The following SLC4A4 variants were observed in gnomAD, a reference collection of about 807,000 sequenced individuals.
SLC4A4 encodes solute carrier family 4 member 4.
Under a neutral mutation model 111.5 loss-of-function variants are expected in SLC4A4, and 27 were observed. The observed-to-expected ratio is 0.24, with a 90% CI of 0.18 to 0.33. SLC4A4 has a LOEUF of 0.33. Ranked by LOEUF, SLC4A4 falls within the 10% of genes least tolerant of loss-of-function variation. The pLI is 1.00. For missense variants in SLC4A4, 909 were observed against 1,315.5 expected (o/e 0.69, Z 4.78); for synonymous variants, 443 against 463.4 (o/e 0.96, Z 0.57).
intron 6 of SLC4A4, among the ~76,000 whole-genome samples, chr4:71,370,421 C>A (rs534207588): frequency 4.1e-4 from 62 of 152,280 alleles, no homozygotes; most frequent in African/African-American, 1.1e-3. Context: ...CTAATAAATT[C>A]TTTTACTACT....
chr4:71,444,595 T>C (rs1725058266), intron 8 of SLC4A4, among the ~76,000 whole-genome samples: 1 of 152,168 alleles, frequency 6.6e-6, no homozygotes, highest in African/African-American at 2.4e-5. Context: ...AAAAAACAGC[T>C]TGGGTCATGA....
At chr4:71,361,316 T>G (rs1043986082) in intron 6 of SLC4A4, among the ~76,000 whole-genome samples, 2 of 152,250 alleles carry the variant, frequency 1.3e-5, no homozygotes, top group African/African-American at 4.8e-5. Flanking sequence ...ACTCTCGTCT[T>G]TTAGCATCCT....
chr4:71,419,622 G>A (rs1365311211), intron 7 of SLC4A4, among the ~76,000 whole-genome samples: 1 of 152,218 alleles, frequency 6.6e-6, no homozygotes, highest in Non-Finnish European at 1.5e-5. Flanking sequence ...ACTAGGAAAG[G>A]GAACTCGCTG....
At chr4:71,064,195 T>A (rs1741457250) in intron 1 of SLC4A4, among the ~76,000 whole-genome samples, 2 of 152,216 alleles carry the variant, frequency 1.3e-5, no homozygotes, top group Admixed American at 6.5e-5. Flanking sequence ...CAGACCTGGA[T>A]TTACTGTATC....
chr4:71,179,287 A>G (rs1437470478), intron 2 of SLC4A4, among the ~76,000 whole-genome samples: 2 of 152,194 alleles, frequency 1.3e-5, no homozygotes, highest in African/African-American at 4.8e-5. Context: ...CCCTTTGAAA[A>G]CTGGCACAAG....
At chr4:71,330,750 A>G (rs909108477) in intron 3 of SLC4A4, among the ~76,000 whole-genome samples, 1 of 152,170 alleles carries the variant, frequency 6.6e-6, no homozygotes, top group Non-Finnish European at 1.5e-5. Context: ...TAATTAAACT[A>G]AAGAGCTTCT....
At chr4:71,492,606 A>T (rs1051203765) in intron 15 of SLC4A4, among the ~76,000 whole-genome samples, 2 of 151,948 alleles carry the variant, frequency 1.3e-5, no homozygotes, top group South Asian at 4.1e-4. Flanking sequence ...TAAGTCTTTA[A>T]AACTGAATGA....
chr4:71,166,544 T>C (rs973327012), intron 2 of SLC4A4, among the ~76,000 whole-genome samples: 1 of 152,168 alleles, frequency 6.6e-6, no homozygotes, highest in Admixed American at 6.5e-5. Context: ...CCATAAGCAG[T>C]CTATTTTATT....
intron 7 of SLC4A4, chr4:71,434,295 T>C (rs889736004): frequency 1.3e-5 from 2 of 152,100 alleles, no homozygotes; most frequent in Non-Finnish European, 2.9e-5. Context: ...TTTGAAATTT[T>C]TCTCAGGTAA....
At chr4:71,464,883 C>A (rs1727170451) in intron 12 of SLC4A4, among the ~76,000 whole-genome samples, 1 of 152,124 alleles carries the variant, frequency 6.6e-6, no homozygotes, top group African/African-American at 2.4e-5. Context: ...TTGAGTGGCA[C>A]TTACTGTGTA....
intron 2 of SLC4A4, among the ~76,000 whole-genome samples, chr4:71,156,588 G>GCTCGCACACACACACACACA (rs376043069): frequency 7.2e-6 from 1 of 138,512 alleles, no homozygotes; most frequent in African/African-American, 2.7e-5. Context: ...GCGCGCGCGC[G>GCTCGCACACACACACACACA]CACACACACA....
At chr4:71,292,235 T>G (rs1724414771) in intron 3 of SLC4A4, among the ~76,000 whole-genome samples, 1 of 152,194 alleles carries the variant, frequency 6.6e-6, no homozygotes, top group African/African-American at 2.4e-5. Flanking sequence ...AATATGTGAT[T>G]TTTGATTTAT....
At chr4:71,553,093 A>G (rs921641) in intron 20 of SLC4A4, among the ~76,000 whole-genome samples, 149,775 of 151,972 alleles carry the variant, frequency 0.99, 73,836 homozygotes, top group East Asian at 1. Context: ...TTGCATTATC[A>G]TAAGGAAAAT....
intron 1 of SLC4A4, among the ~76,000 whole-genome samples, chr4:71,201,264 A>G (rs1324282869): frequency 6.6e-6 from 1 of 152,198 alleles, no homozygotes; most frequent in Non-Finnish European, 1.5e-5. Flanking sequence ...CTGGGGAGAG[A>G]GATCCTTTAG....
intron 17 of SLC4A4, 80 bp from the exon 18 acceptor site, chr4:71,534,147 T>A (rs1734189215): frequency 8.7e-7 from 1 of 1,154,930 alleles, no homozygotes; most frequent in South Asian, 1.2e-5. Flanking sequence ...TATAAAAGCA[T>A]GTCTTCCCGT....
chr4:71,558,291 T>C (rs1007271969), intron 22 of SLC4A4, among the ~76,000 whole-genome samples: 1 of 151,976 alleles, frequency 6.6e-6, no homozygotes, highest in East Asian at 1.9e-4. Context: ...AGTAAGAGTG[T>C]AGGACATTTC....
At chr4:71,102,030 T>C (rs887142277) in intron 2 of SLC4A4, among the ~76,000 whole-genome samples, 1 of 150,396 alleles carries the variant, frequency 6.6e-6, no homozygotes, top group African/African-American at 2.4e-5. Flanking sequence ...TGAAAAAAAA[T>C]TAGAAGAATG....
intron 1 of SLC4A4, among the ~76,000 whole-genome samples, chr4:71,201,958 A>G (rs1746275635): frequency 6.6e-6 from 1 of 152,206 alleles, no homozygotes; most frequent in Non-Finnish European, 1.5e-5. Flanking sequence ...CCCTCAAAGT[A>G]ACTTAGATAA....
At position 71,450,659 on chromosome 4, in the gene SLC4A4, AACTTGATGTATTTTCT is replaced by A; in HGVS notation, c.1208+117_1208+132del. ...TTCTAATATTTTCAGGTTCCTGTTT[AACTTGATGTATTTTCT>A]CAAATGGATCACTTATGTGCCTTGG... On this transcript the variant is annotated intron_variant, in intron 10 of 25. Coordinates refer to ENST00000264485, the MANE Select transcript of SLC4A4 (RefSeq NM_001098484.3). 3.1e-6 allele frequency: 3 copies of A among 978,318 alleles called. No homozygotes were observed. The South Asian group carries it at 4.4e-5, about 14-fold the overall frequency. The allele number at this position is 978,318 out of a possible 1,614,324, so 60.6% of individuals were successfully genotyped here. A position where few individuals can be genotyped will look rare whatever the true frequency, so the allele number is the denominator to read the frequency against.
Sources: allele counts gnomAD v4.1 joint callset (sites outside exome capture counted in the v4.1 genomes callset), GRCh38; gene constraint gnomAD v4.1.1; transcripts MANE v1.5; gene names NCBI Gene and HGNC (gene_info 2026-07-23, HGNC 2026-07-21).